The following INPP5B variants were observed in gnomAD, a reference collection of about 807,000 sequenced individuals.
INPP5B encodes type II inositol 1,4,5-trisphosphate 5-phosphatase.
INPP5B carries 90 observed loss-of-function variants against 118.5 expected under a neutral mutation model. The observed-to-expected ratio is 0.76, with a 90% CI of 0.64 to 0.90. The LOEUF (loss-of-function observed/expected upper bound fraction) is 0.90. INPP5B is among the 40% of genes least tolerant of loss of function. The probability of loss-of-function intolerance (pLI) is 0.00; values close to 1 mark genes in which losing one functional copy is unlikely to be tolerated. For synonymous variants in INPP5B, 385 were observed against 418.9 expected (o/e 0.92, Z 0.99); for missense variants, 984 against 1,125.6 (o/e 0.87, Z 1.80).
intron 7 of INPP5B, among the ~76,000 whole-genome samples, chr1:37,908,980 A>G (rs1644594514): frequency 6.6e-6 from 1 of 151,946 alleles, no homozygotes; most frequent in Non-Finnish European, 1.5e-5. Context: ...TTCAACTCAC[A>G]CCTGACCTAA....
intron 7 of INPP5B, among the ~76,000 whole-genome samples, chr1:37,913,968 A>AC (rs1014548303): frequency 6.6e-6 from 1 of 151,002 alleles, no homozygotes; most frequent in Admixed American, 6.6e-5. Context: ...CTACCCCCCC[A>AC]CTTAAGAAGG....
intron 7 of INPP5B, among the ~76,000 whole-genome samples, chr1:37,909,763 T>C (rs1644625578): frequency 6.6e-6 from 1 of 152,166 alleles, no homozygotes; most frequent in Admixed American, 6.5e-5. Context: ...CAGTACTTAA[T>C]TGACCTCACC....
At chr1:37,931,744 C>A (rs1268585301) in intron 7 of INPP5B, 169 bp downstream of exon 7, 4 of 1,596,540 alleles carry the variant, frequency 2.5e-6, no homozygotes, top group Non-Finnish European at 3.4e-6. Flanking sequence ...CTCCTCATCC[C>A]GCCGCCCGTC....
chr1:37,895,955 C>T (rs1442943155), intron 7 of INPP5B, among the ~76,000 whole-genome samples: 3 of 152,096 alleles, frequency 2.0e-5, no homozygotes, highest in Non-Finnish European at 4.4e-5. Context: ...AAGTGAGGAG[C>T]GTCTCCGCCT....
intron 15 of INPP5B, 66 bp downstream of exon 15, chr1:37,880,019 G>T: frequency 2.9e-6 from 3 of 1,019,464 alleles, no homozygotes; most frequent in Non-Finnish European, 3.0e-6. Flanking sequence ...GGTCCAAAAG[G>T]GCAAGTACTT....
intron 10 of INPP5B, 52 bp downstream of exon 10, chr1:37,888,191 C>T: frequency 8.4e-7 from 1 of 1,191,842 alleles, no homozygotes; most frequent in Non-Finnish European, 1.1e-6. Context: ...ATCCTTCAAC[C>T]ACAGCTCTGT....
Position 37,873,181 on chromosome 1 carries a change from A to T in INPP5B, c.1952-16T>A. ...ACATCAGAATCTGCAGAGAAATTTT[A>T]AAAATAATGTTGGCCGGGGGCAGGC... On this transcript the variant is annotated splice_polypyrimidine_tract_variant and intron_variant, in intron 18 of 23. Coordinates refer to ENST00000373024, the MANE Select transcript of INPP5B (RefSeq NM_005540.3). 2 of 1,589,768 alleles carry T rather than the reference A, an allele frequency of 1.3e-6. No individual in the cohort carries two copies. Among genetic ancestry groups the T allele is most frequent in the Non-Finnish European group, 1.7e-6 (2 of 1,157,818 alleles).
At chr1:37,935,837 C>CG (rs1177520289) in intron 6 of INPP5B, among the ~76,000 whole-genome samples, 1 of 151,904 alleles carries the variant, frequency 6.6e-6, no homozygotes, top group Non-Finnish European at 1.5e-5. Context: ...AAGGCCAAGG[C>CG]GGGCGGATCA....
intron 7 of INPP5B, among the ~76,000 whole-genome samples, chr1:37,894,686 C>T (rs1359779645): frequency 6.6e-6 from 1 of 151,882 alleles, no homozygotes; most frequent in Middle Eastern, 3.2e-3. Context: ...CTCAGCCTCC[C>T]GAGTAGCTGG....
At chr1:37,878,455 C>A in intron 15 of INPP5B, 132 bp from the exon 16 acceptor site, 1 of 1,467,624 alleles carries the variant, frequency 6.8e-7, no homozygotes. Context: ...TCTGAGGCAG[C>A]AAGAGCAATT....
intron 7 of INPP5B, among the ~76,000 whole-genome samples, chr1:37,895,836 G>A (rs1293795324): frequency 6.6e-6 from 1 of 152,096 alleles, no homozygotes; most frequent in Non-Finnish European, 1.5e-5. Flanking sequence ...CCAGGCTGGA[G>A]TGCAGTGGCG....
chr1:37,874,329 T>C (rs1300810412), intron 17 of INPP5B, among the ~76,000 whole-genome samples, 174 bp from the exon 18 acceptor site: 1 of 152,220 alleles, frequency 6.6e-6, no homozygotes, highest in East Asian at 1.9e-4. Context: ...TAGTTATCTG[T>C]GTTTAACCCA....
chr1:37,882,976 C>T lies in INPP5B; in HGVS notation c.1320-58G>A, dbSNP rs557487867. On this transcript the variant is annotated intron_variant, in intron 13 of 23. Coordinates refer to ENST00000373024, the MANE Select transcript of INPP5B (RefSeq NM_005540.3). ...TAGGAGGAACTTTAACCTGATCTAC[C>T]CAGGGTGCTTCTGACAAAGGCCCCT... 2.5e-6 allele frequency: 4 copies of T among 1,591,254 alleles called. No individual in the cohort carries two copies. The East Asian group carries it at 9.1e-5, about 36-fold the overall frequency.
intron 17 of INPP5B, among the ~76,000 whole-genome samples, chr1:37,875,247 C>T (rs1314058847): frequency 6.6e-6 from 1 of 152,074 alleles, no homozygotes; most frequent in Non-Finnish European, 1.5e-5. Flanking sequence ...GAGATTTAAG[C>T]TCTAGGAATA....
At chr1:37,905,493 T>C (rs970690298) in intron 7 of INPP5B, among the ~76,000 whole-genome samples, 6 of 152,250 alleles carry the variant, frequency 3.9e-5, no homozygotes, top group African/African-American at 1.2e-4. Context: ...TGACTTAGTG[T>C]ATGTTACTAA....
In INPP5B at chr1:37,946,350, T is replaced by C. The variant is rs750674131; in HGVS notation, c.-26-16A>G. The stretch of plus-strand genomic sequence containing the variant: ...CGCACACACCCTGTGGGAGGGGAGA[T>C]AGGAGCCCCGCTTTGGTCAACAAGT... On this transcript the variant is annotated splice_polypyrimidine_tract_variant and intron_variant, in intron 1 of 23. Transcript: ENST00000373024. The C allele has an allele frequency of 3.1e-6, 5 of 1,590,106 alleles. No homozygotes were observed. In the Admixed American group the frequency reaches 7.0e-5, roughly 22 times the overall value.
In INPP5B at chr1:37,889,576, T is replaced by G; in HGVS notation, c.778A>C (p.Thr260Pro). 1 of 1,613,730 alleles carries G rather than the reference T, an allele frequency of 6.2e-7. No individual in the cohort carries two copies. Among genetic ancestry groups the G allele is most frequent in the Non-Finnish European group, 8.5e-7 (1 of 1,179,800 alleles). Residue 260 changes from threonine (T) to proline (P), a missense_variant, in exon 9 of 24, where the codon ACC becomes CCC. By Grantham distance (38) the Thr-to-Pro change is conservative (BLOSUM62 -1). This residue lies in a region of INPP5B where 634 missense variants were observed against 791.0 expected (regional missense o/e 0.80). Coordinates refer to ENST00000373024, the MANE Select transcript of INPP5B (RefSeq NM_005540.3). ...AGCTACCTGAAGTTCTGGATATAGG[T>G]GTAATCCTCTTCTTTCTGTAGTAGA... ...SHLLQKEEDY[T>P]YIQNFRFFAG...
chr1:37,943,939 C>A, intron 3 of INPP5B, 46 bp from the exon 4 acceptor site: 1 of 1,390,214 alleles, frequency 7.2e-7, no homozygotes, highest in South Asian at 1.2e-5. Context: ...GCTGGCTGTC[C>A]CTCAGCCCTA....
chr1:37,898,074 T>C (rs528482117), intron 7 of INPP5B, among the ~76,000 whole-genome samples: 36 of 152,232 alleles, frequency 2.4e-4, no homozygotes, highest in Non-Finnish European at 4.3e-4. Flanking sequence ...TACATCCATA[T>C]AATAAAATAT....
Sources: gnomAD v4.1 joint callset for allele counts (sites outside exome capture counted in the v4.1 genomes callset) on GRCh38, gnomAD v4.1.1 for gene constraint, gnomAD v4.1.1 regional missense constraint, MANE v1.5 for transcripts, NCBI Gene and HGNC (gene_info 2026-07-23, HGNC 2026-07-21) for gene names.